The following EZH2 variants were observed in gnomAD, a reference collection of about 807,000 sequenced individuals.
EZH2 encodes the protein enhancer of zeste 2 polycomb repressive complex 2 subunit.
A neutral mutation model predicts 98.4 loss-of-function variants in EZH2; 18 were observed. The observed-to-expected ratio is 0.18, with a 90% CI of 0.13 to 0.27. The LOEUF (loss-of-function observed/expected upper bound fraction) is 0.27, where lower values mean the gene tolerates loss of function less well. EZH2 is among the 10% of genes least tolerant of loss of function. The pLI, the probability that EZH2 is intolerant of heterozygous loss-of-function variation, is 1.00. For missense variants in EZH2, 470 were observed against 935.1 expected, an observed-to-expected ratio of 0.50 and a Z score of 6.49; for synonymous variants, 338 against 312.3, an observed-to-expected ratio of 1.08 and a Z score of -0.87.
rs1479849787 is a variant in EZH2 at position 148,815,056 on chromosome 7, T to C, written c.1547-17A>G. The C allele has an allele frequency of 1.2e-6, 2 of 1,612,032 alleles. No individual in the cohort carries two copies. Among genetic ancestry groups the C allele is most frequent in the South Asian group, 1.1e-5 (1 of 90,796 alleles). The stretch of plus-strand genomic sequence containing the variant: ...AGGAGCCGTCTGAGTAAAGATAACA[T>C]CATGCAGGCCAATGAATCCAGGGAG... On this transcript the variant is annotated splice_polypyrimidine_tract_variant and intron_variant, in intron 13 of 19. Transcript: ENST00000320356.
At chr7:148,815,176 C>T in intron 13 of EZH2, 137 bp from the exon 14 acceptor site, 1 of 1,156,880 alleles carries the variant, frequency 8.6e-7, no homozygotes, top group Non-Finnish European at 1.2e-6. Context: ...TAACATTACA[C>T]ATATTCCGGT....
At chr7:148,852,280 A>G (rs1222257888) in intron 1 of EZH2, among the ~76,000 whole-genome samples, 3 of 152,234 alleles carry the variant, frequency 2.0e-5, no homozygotes, top group African/African-American at 7.2e-5. Flanking sequence ...TTTGTGAATC[A>G]AACCAAACTC....
intron 1 of EZH2, among the ~76,000 whole-genome samples, chr7:148,874,507 A>G (rs1325419188): frequency 6.6e-6 from 1 of 152,200 alleles, no homozygotes; most frequent in East Asian, 1.9e-4. Flanking sequence ...TTGAATCCAC[A>G]GCCATGAGAA....
At chr7:148,856,148 G>A (rs894643176) in intron 1 of EZH2, among the ~76,000 whole-genome samples, 16 of 152,020 alleles carry the variant, frequency 1.1e-4, no homozygotes, top group Admixed American at 4.6e-4. Context: ...GCAGGAGGTC[G>A]GGGGGAGCTA....
At chr7:148,855,932 T>C (rs949920897) in intron 1 of EZH2, among the ~76,000 whole-genome samples, 1 of 142,852 alleles carries the variant, frequency 7.0e-6, no homozygotes, top group African/African-American at 2.5e-5. Flanking sequence ...GTAGTGACTA[T>C]CAACTACATA....
At chr7:148,821,854 ATCTC>A (rs111686179) in intron 8 of EZH2, among the ~76,000 whole-genome samples, 1,677 of 152,264 alleles carry the variant, frequency 0.011, 26 homozygotes, top group African/African-American at 0.038. Context: ...ATGTATATAT[ATCTC>A]TCTCTCTAAA....
At chr7:148,863,203 A>G (rs1213904052) in intron 1 of EZH2, among the ~76,000 whole-genome samples, 1 of 152,156 alleles carries the variant, frequency 6.6e-6, no homozygotes, top group Non-Finnish European at 1.5e-5. Context: ...CCGAAGTCAT[A>G]ATACCCTGCC....
chr7:148,807,759 C>CAAGTCTCAGCACA, intron 19 of EZH2, 53 bp from the exon 20 acceptor site: 1 of 1,098,250 alleles, frequency 9.1e-7, no homozygotes, highest in Non-Finnish European at 1.3e-6. Flanking sequence ...CCAACATGTG[C>CAAGTCTCAGCACA]TGAGACTTAA....
chr7:148,875,545 A>G (rs1820056539), intron 1 of EZH2, among the ~76,000 whole-genome samples: 2 of 152,208 alleles, frequency 1.3e-5, no homozygotes, highest in East Asian at 3.8e-4. Context: ...ACAAACCCAC[A>G]ATGAGATACT....
intron 1 of EZH2, among the ~76,000 whole-genome samples, chr7:148,869,306 G>T (rs1818976916): frequency 6.9e-6 from 1 of 145,722 alleles, no homozygotes; most frequent in African/African-American, 2.5e-5. Context: ...CCTAGTATTT[G>T]CACTAAAAAG....
At position 148,808,844 on chromosome 7, in the gene EZH2, G is replaced by A. The variant is rs1484898071; in HGVS notation, c.2195+227C>T. Among the ~76,000 whole-genome samples the A allele has an allele frequency of 2.6e-5, 4 of 152,084 alleles. No individual in the cohort carries two copies. The South Asian group carries it at 6.2e-4, about 24-fold the overall frequency. On this transcript the variant is annotated intron_variant, in intron 19 of 19. Coordinates refer to ENST00000320356, the MANE Select transcript of EZH2 (RefSeq NM_004456.5). ...GCTGTCAACAGCAGGGTGAGAAATG[G>A]GGCTTTCTGCATGGATTTTACTCTA...
chr7:148,808,944 C>A, intron 19 of EZH2, 127 bp downstream of exon 19: 4 of 670,104 alleles, frequency 6.0e-6, no homozygotes, highest in South Asian at 1.9e-5. Context: ...AACCTAATTC[C>A]CCACTAATGC....
chr7:148,817,231 T>A lies in EZH2; in HGVS notation c.1401A>T (p.Thr467=), dbSNP rs142901445. 1 of 1,613,436 alleles carries A rather than the reference T, an allele frequency of 6.2e-7. No individual in the cohort carries two copies. The highest frequency in any genetic ancestry group is 1.1e-5 in the South Asian group (1 of 90,858). The change falls in exon 11 of 20, where the codon ACA becomes ACT. Residue 467 remains threonine (T), a synonymous_variant. Coordinates refer to ENST00000320356, the MANE Select transcript of EZH2 (RefSeq NM_004456.5). ...CAIARLIGTK[T]CRQVYEFRVK... Reference sequence around the variant, plus strand: ...TTATCGGATATCTTACCTGTCTACATGTTTTGGTCCCAATTAACCTAGCAA... The same window carrying A: ...TTATCGGATATCTTACCTGTCTACAAGTTTTGGTCCCAATTAACCTAGCAA...
intron 1 of EZH2, among the ~76,000 whole-genome samples, chr7:148,873,122 G>A (rs956452770): frequency 1.3e-5 from 2 of 152,108 alleles, no homozygotes; most frequent in African/African-American, 2.4e-5. Context: ...GTCTGAGGAT[G>A]TAGTGAGCTA....
intron 1 of EZH2, among the ~76,000 whole-genome samples, chr7:148,875,113 A>C (rs541032061): frequency 6.6e-6 from 1 of 152,338 alleles, no homozygotes; most frequent in Non-Finnish European, 1.5e-5. Context: ...AATAATTTTC[A>C]AAACTAGTTT....
chr7:148,865,589 GC>G (rs1818323114), intron 1 of EZH2, among the ~76,000 whole-genome samples: 1 of 152,180 alleles, frequency 6.6e-6, no homozygotes, highest in African/African-American at 2.4e-5. Flanking sequence ...CAACAGAAGA[GC>G]AATGATCTGT....
chr7:148,823,553 A>T (rs1447398165), intron 8 of EZH2, among the ~76,000 whole-genome samples: 1 of 152,228 alleles, frequency 6.6e-6, no homozygotes, highest in Non-Finnish European at 1.5e-5. Context: ...AGAACCAATA[A>T]AAGTGGTTAA....
chr7:148,843,693 T>C (rs961990109), intron 3 of EZH2, among the ~76,000 whole-genome samples: 1 of 142,832 alleles, frequency 7.0e-6, no homozygotes, highest in African/African-American at 2.7e-5. Flanking sequence ...CCTCCCAGGT[T>C]CACGCCATTC....
intron 4 of EZH2, among the ~76,000 whole-genome samples, chr7:148,832,361 G>A (rs373468335): frequency 1.3e-5 from 2 of 152,172 alleles, no homozygotes; most frequent in African/African-American, 4.8e-5. Context: ...TTACAGGCAT[G>A]AGCCACAATG....
Sources: gnomAD v4.1 joint callset for allele counts (sites outside exome capture counted in the v4.1 genomes callset) on GRCh38, gnomAD v4.1.1 for gene constraint, MANE v1.5 for transcripts, NCBI Gene and HGNC (gene_info 2026-07-23, HGNC 2026-07-21) for gene names.